The following EYS variants were observed in gnomAD, a reference collection of about 807,000 sequenced individuals.
The protein encoded by EYS is protein eyes shut homolog.
In EYS, 250 loss-of-function variants were observed where a neutral mutation model predicts 282.1. The ratio of observed to expected loss-of-function variants is 0.89; its 90% confidence interval spans 0.80 to 0.98. The LOEUF (loss-of-function observed/expected upper bound fraction) is 0.98, where lower values mean the gene tolerates loss of function less well. EYS is among the 50% of genes least tolerant of loss of function. The pLI is 0.00. For synonymous variants in EYS, 1,355 were observed against 1,282.9 expected, an observed-to-expected ratio of 1.06 and a Z score of -1.20; for missense variants, 4,016 against 3,709.0, an observed-to-expected ratio of 1.08 and a Z score of -2.15.
At chr6:65,251,834 T>A (rs1385122749) in intron 12 of EYS, among the ~76,000 whole-genome samples, 1 of 151,998 alleles carries the variant, frequency 6.6e-6, no homozygotes, top group Non-Finnish European at 1.5e-5. Flanking sequence ...CTAAAGAGAA[T>A]ACCAGATTCC....
intron 36 of EYS, among the ~76,000 whole-genome samples, chr6:63,810,315 CA>C (rs368825317): frequency 1.5e-5 from 2 of 132,544 alleles, no homozygotes; most frequent in African/African-American, 5.8e-5. Flanking sequence ...CCCCCCCCCC[CA>C]AAAAAACCTG....
chr6:64,346,453 C>T (rs1771400653), intron 29 of EYS, among the ~76,000 whole-genome samples: 1 of 150,772 alleles, frequency 6.6e-6, no homozygotes, highest in African/African-American at 2.4e-5. Flanking sequence ...ATCACAAGGA[C>T]AAAAAACCAA....
intron 8 of EYS, among the ~76,000 whole-genome samples, chr6:65,381,020 A>C (rs905717857): frequency 6.6e-6 from 1 of 152,256 alleles, no homozygotes; most frequent in East Asian, 1.9e-4. Flanking sequence ...TTTTGGTGGG[A>C]GTGTAAATTA....
At chr6:64,112,285 A>G (rs1773227991) in intron 31 of EYS, among the ~76,000 whole-genome samples, 1 of 151,836 alleles carries the variant, frequency 6.6e-6, no homozygotes, top group Non-Finnish European at 1.5e-5. Flanking sequence ...CCATACCTGG[A>G]CTCCATGCAT....
At chr6:63,761,815 C>A (rs1769650345) in intron 41 of EYS, among the ~76,000 whole-genome samples, 1 of 152,004 alleles carries the variant, frequency 6.6e-6, no homozygotes, top group Admixed American at 6.6e-5. Flanking sequence ...ATCTCTCCAA[C>A]TTCCTTAACT....
chr6:64,414,854 A>T (rs894850618), intron 28 of EYS, among the ~76,000 whole-genome samples: 7 of 152,190 alleles, frequency 4.6e-5, no homozygotes, highest in Non-Finnish European at 1.0e-4. Flanking sequence ...AAAGTCAGTG[A>T]TAATTTTGGA....
intron 5 of EYS, among the ~76,000 whole-genome samples, chr6:65,424,815 T>G (rs750009190): frequency 6.6e-6 from 1 of 151,996 alleles, no homozygotes; most frequent in Non-Finnish European, 1.5e-5. Flanking sequence ...CCCTCAAACC[T>G]AGAAGCTATT....
intron 30 of EYS, among the ~76,000 whole-genome samples, chr6:64,258,728 C>A (rs9344931): frequency 0.69 from 104,453 of 151,814 alleles, 35,953 homozygotes; most frequent in South Asian, 0.71. Context: ...ACATTCTGAA[C>A]TTTTTTAAAC....
At chr6:64,845,969 T>G (rs181043768) in intron 19 of EYS, among the ~76,000 whole-genome samples, 19 of 152,222 alleles carry the variant, frequency 1.2e-4, no homozygotes, top group Non-Finnish European at 2.5e-4. Context: ...TTCATTTTTA[T>G]TTAAAATCAT....
At chr6:65,115,966 A>ATCATCCATCT (rs1554154790) in intron 12 of EYS, among the ~76,000 whole-genome samples, 34 of 144,856 alleles carry the variant, frequency 2.3e-4, no homozygotes, top group African/African-American at 8.3e-4. Context: ...CTGTCTATCT[A>ATCATCCATCT]ATCTATCTAT....
chr6:64,614,630 A>G (rs1313930110), intron 24 of EYS, among the ~76,000 whole-genome samples: 1 of 152,138 alleles, frequency 6.6e-6, no homozygotes, highest in Non-Finnish European at 1.5e-5. Context: ...TGTAAGTGGA[A>G]AATGCATTTA....
chr6:64,147,830 TA>T (rs1774570584), intron 31 of EYS, among the ~76,000 whole-genome samples: 1 of 152,186 alleles, frequency 6.6e-6, no homozygotes, highest in Non-Finnish European at 1.5e-5. Context: ...AAGAGCACAT[TA>T]GTCTGGAATG....
chr6:64,824,651 A>T lies in EYS; in HGVS notation c.2993-1829T>A, dbSNP rs576137735. Reference sequence around the variant, plus strand: ...TTAAAAAAAGATAGATGGTCAATTTATAACAAAAGTGTGGGGGCAGGGACA... The same window carrying T: ...TTAAAAAAAGATAGATGGTCAATTTTTAACAAAAGTGTGGGGGCAGGGACA... On this transcript the variant is annotated intron_variant, in intron 19 of 42. Transcript: ENST00000503581. Among the ~76,000 whole-genome samples, 3 of 152,020 alleles carry T rather than the reference A, an allele frequency of 2.0e-5. No homozygotes were observed. The East Asian group carries it at 5.8e-4, about 30-fold the overall frequency.
At chr6:63,801,945 G>A (rs1478553015) in intron 37 of EYS, among the ~76,000 whole-genome samples, 1 of 152,154 alleles carries the variant, frequency 6.6e-6, no homozygotes, top group Non-Finnish European at 1.5e-5. Flanking sequence ...CTCTTCACCT[G>A]AGGAAGATAA....
At chr6:65,289,385 A>C (rs1379375699) in intron 12 of EYS, among the ~76,000 whole-genome samples, 1 of 150,980 alleles carries the variant, frequency 6.6e-6, no homozygotes, top group Admixed American at 6.6e-5. Context: ...TCAAATTTCC[A>C]ACATTTAGCT....
At position 63,864,208 on chromosome 6, in the gene EYS, C is replaced by T; in HGVS notation, c.7206G>A (p.Arg2402=). ...TDIVCLCPYG[R]SGPLCTDAIN... The stretch of plus-strand genomic sequence containing the variant: ...TACCATCAGTGCAGAGGGGTCCAGA[C>T]CTCCCATATGGGCAGAGGCAGACAA... The change falls in exon 36 of 43, where the codon AGG becomes AGA. Residue 2402 remains arginine, a synonymous_variant. Coordinates refer to ENST00000503581, the MANE Select transcript of EYS (RefSeq NM_001142800.2). 6.5e-7 allele frequency: 1 copy of T among 1,543,488 alleles called. No individual in the cohort carries two copies. Among genetic ancestry groups the T allele is most frequent in the Admixed American group, 2.0e-5 (1 of 50,332 alleles).
At chr6:64,959,553 G>T (rs1045687994) in intron 14 of EYS, among the ~76,000 whole-genome samples, 8 of 152,144 alleles carry the variant, frequency 5.3e-5, no homozygotes, top group Non-Finnish European at 7.4e-5. Flanking sequence ...CAGATGTCAG[G>T]GTATTTGATT....
intron 22 of EYS, among the ~76,000 whole-genome samples, chr6:64,687,445 G>C (rs922715962): frequency 1.6e-4 from 25 of 152,092 alleles, no homozygotes; most frequent in Non-Finnish European, 3.1e-4. Flanking sequence ...GTTGAATTTT[G>C]TTGAAGGCCT....
intron 29 of EYS, among the ~76,000 whole-genome samples, chr6:64,360,528 G>C (rs1771970777): frequency 6.6e-6 from 1 of 151,726 alleles, no homozygotes; most frequent in African/African-American, 2.4e-5. Context: ...ATATGAGAGG[G>C]AGAGGTAGTC....
Sources: allele counts gnomAD v4.1 joint callset (sites outside exome capture counted in the v4.1 genomes callset), GRCh38; gene constraint gnomAD v4.1.1; transcripts MANE v1.5; gene names NCBI Gene and HGNC (gene_info 2026-07-23, HGNC 2026-07-21).